CRACD: variants seen among roughly 807,000 people sequenced by gnomAD.
The protein encoded by CRACD is capping protein-inhibiting regulator of actin dynamics.
Under a neutral mutation model 106.8 loss-of-function variants are expected in CRACD, and 56 were observed. That is an observed-to-expected ratio of 0.52 (90% CI 0.42 to 0.66). The LOEUF (loss-of-function observed/expected upper bound fraction) is 0.66, where lower values mean the gene tolerates loss of function less well. Ranked by LOEUF, CRACD falls within the 30% of genes least tolerant of loss-of-function variation. The pLI, the probability that CRACD is intolerant of heterozygous loss-of-function variation, is 0.00. For missense variants in CRACD, 1,730 were observed against 1,623.2 expected (o/e 1.07, Z -1.13); for synonymous variants, 754 against 670.8 (o/e 1.12, Z -1.92).
intron 2 of CRACD, among the ~76,000 whole-genome samples, chr4:56,213,894 A>T (rs1738530301): frequency 6.6e-6 from 1 of 152,238 alleles, no homozygotes; most frequent in Non-Finnish European, 1.5e-5. Flanking sequence ...CTAATTTAAC[A>T]ACTGAATGAC....
rs767386735 is a variant in CRACD at position 56,315,848 on chromosome 4, C to G, written c.2346C>G (p.Pro782=). ...AGAAGTCGGAGATGCACCGGGAGCC[C>G]GCAGACACCACCGAGGGATGCAAAT... ...GPEKSEMHRE[P]ADTTEGCKFA... Residue 782 remains proline, a synonymous_variant, in exon 8 of 11, where the codon CCC becomes CCG. Transcript: ENST00000682029. This position sits in a 1 kb window ranked among gnomAD's most constrained non-coding sequence, Gnocchi z 4.1. 67 of 1,614,038 alleles carry G rather than the reference C, an allele frequency of 4.2e-5. No individual in the cohort carries two copies. The Admixed American group carries it at 1.1e-3, about 26-fold the overall frequency.
intron 2 of CRACD, among the ~76,000 whole-genome samples, chr4:56,180,901 G>A (rs1736794440): frequency 6.6e-6 from 1 of 152,200 alleles, no homozygotes; most frequent in African/African-American, 2.4e-5. Context: ...TTATTAGATG[G>A]TGGGAGTTTG....
intron 1 of CRACD, among the ~76,000 whole-genome samples, chr4:56,152,787 T>G (rs937800105): frequency 1.3e-5 from 2 of 152,142 alleles, no homozygotes; most frequent in African/African-American, 2.4e-5. Flanking sequence ...CCCTTTTTCA[T>G]GTATAATGTC....
At chr4:56,148,271 T>C (rs1226682435) in intron 1 of CRACD, among the ~76,000 whole-genome samples, 1 of 50,694 alleles carries the variant, frequency 2.0e-5, no homozygotes, top group Non-Finnish European at 3.2e-5. Flanking sequence ...GTGCTTTTGT[T>C]GTTTTTTTTT....
rs1267394741 is a variant in CRACD, at chr4:56,328,910, T to C, written c.*1106T>C. On this transcript the variant is annotated 3_prime_UTR_variant, in exon 11 of 11. Transcript: ENST00000682029. ...ATGTTTGAAAATTCCCTTTGGTCTT[T>C]AGGGAAAATAAACAGGAAGCCAAGA... Among the ~76,000 whole-genome samples the C allele has an allele frequency of 6.6e-6, 1 of 152,232 alleles. No homozygotes were observed. Among genetic ancestry groups the C allele is most frequent in the African/African-American group, 2.4e-5 (1 of 41,458 alleles).
intron 2 of CRACD, among the ~76,000 whole-genome samples, chr4:56,232,306 G>A (rs1739670640): frequency 1.3e-5 from 2 of 152,106 alleles, no homozygotes; most frequent in Admixed American, 1.3e-4. Flanking sequence ...ATGTACAAAT[G>A]CTCTAACATT....
At position 56,328,306 on chromosome 4, in the gene CRACD, G is replaced by A. The variant is rs1424006786; in HGVS notation, c.*502G>A. On this transcript the variant is annotated 3_prime_UTR_variant, in exon 11 of 11. Transcript: ENST00000682029. Reference sequence around the variant, plus strand: ...AGCAAGAACACCCATTCTCCTGAATGCAGTGAGTAATTGGGAATCACAAGG... The same window carrying A: ...AGCAAGAACACCCATTCTCCTGAATACAGTGAGTAATTGGGAATCACAAGG... 2.1e-5 allele frequency: 11 copies of A among 518,496 alleles called. No homozygotes were observed. Among genetic ancestry groups the A allele is most frequent in the Non-Finnish European group, 3.1e-5 (8 of 259,730 alleles). 32.1% of individuals were successfully genotyped at this position (518,496 alleles called of 1,614,324 possible). A position where few individuals can be genotyped will look rare whatever the true frequency, so the allele number is the denominator to read the frequency against.
chr4:56,217,955 A>G (rs1560487855), intron 2 of CRACD, among the ~76,000 whole-genome samples: 1 of 152,040 alleles, frequency 6.6e-6, no homozygotes, highest in African/African-American at 2.4e-5. Context: ...GTGAGGGAGA[A>G]TCTTCTTCTT....
chr4:56,291,324 C>T (rs1046806248), intron 3 of CRACD, among the ~76,000 whole-genome samples: 4 of 152,194 alleles, frequency 2.6e-5, no homozygotes, highest in African/African-American at 9.6e-5. Flanking sequence ...TCCGGACGAA[C>T]TCTGCTAAGG....
At chr4:56,079,341 C>T (rs917643540) in intron 1 of CRACD, among the ~76,000 whole-genome samples, 1 of 151,764 alleles carries the variant, frequency 6.6e-6, no homozygotes, top group African/African-American at 2.4e-5. Context: ...TTAATTGCTT[C>T]ATGTTTGAAT....
At chr4:56,257,370 C>G (rs1741425776) in intron 2 of CRACD, among the ~76,000 whole-genome samples, 1 of 151,914 alleles carries the variant, frequency 6.6e-6, no homozygotes, top group Non-Finnish European at 1.5e-5. Context: ...GCGTGAGCCA[C>G]CGTGCCTGGC....
chr4:56,309,071 A>C, intron 5 of CRACD: 1 of 462,010 alleles, frequency 2.2e-6, no homozygotes, highest in Admixed American at 2.4e-5. Flanking sequence ...ATCAAGAAAA[A>C]TGCTGGCTGC....
At chr4:56,208,384 T>G (rs972047472) in intron 2 of CRACD, among the ~76,000 whole-genome samples, 3 of 152,282 alleles carry the variant, frequency 2.0e-5, no homozygotes, top group Non-Finnish European at 2.9e-5. Context: ...GTGAAGGGAT[T>G]CGATTGTTCT....
chr4:56,293,385 C>T (rs1214273996), intron 3 of CRACD, among the ~76,000 whole-genome samples: 1 of 152,192 alleles, frequency 6.6e-6, no homozygotes. Context: ...AAGAAGCTCA[C>T]ACCCTGCTAC....
Position 56,314,564 on chromosome 4 carries a change from C to T in CRACD, c.1062C>T (p.Cys354=), listed in dbSNP as rs1009416844. The part of the protein sequence containing the change: ...RRRQEEEEGR[C]AEELKRQEEE... ...GGCAGGAGGAGGAGGAAGGAAGATG[C>T]GCGGAGGAGCTCAAAAGGCAGGAGG... The change falls in exon 8 of 11, where the codon TGC becomes TGT. Residue 354 remains cysteine (C), a synonymous_variant. Transcript: ENST00000682029. This position sits in a 1 kb window ranked among gnomAD's most constrained non-coding sequence, Gnocchi z 4.4. 4 of 1,510,920 alleles carry T rather than the reference C, an allele frequency of 2.6e-6. No individual in the cohort carries two copies. The South Asian group carries it at 3.9e-5, about 15-fold the overall frequency. The allele number at this position is 1,510,920 out of a possible 1,614,324, so 93.6% of individuals were successfully genotyped here.
At chr4:56,187,028 C>T (rs1737119561) in intron 2 of CRACD, among the ~76,000 whole-genome samples, 1 of 151,422 alleles carries the variant, frequency 6.6e-6, no homozygotes, top group South Asian at 2.1e-4. Flanking sequence ...ATGATCATGC[C>T]ACTGCACTCC....
chr4:56,094,941 T>A (rs1025777290), intron 1 of CRACD, among the ~76,000 whole-genome samples: 1 of 152,244 alleles, frequency 6.6e-6, no homozygotes, highest in African/African-American at 2.4e-5. Context: ...ACTTCAGCTA[T>A]TTCAAGATAT....
intron 2 of CRACD, among the ~76,000 whole-genome samples, chr4:56,213,083 C>CT (rs1337397201): frequency 2.0e-5 from 3 of 152,164 alleles, no homozygotes; most frequent in Admixed American, 1.3e-4. Context: ...TCCTGGAGGT[C>CT]TCTGTAAGCT....
chr4:56,160,400 T>C (rs2109902837), intron 1 of CRACD, among the ~76,000 whole-genome samples: 1 of 152,124 alleles, frequency 6.6e-6, no homozygotes, highest in East Asian at 1.9e-4. Flanking sequence ...CCCAGGCTGG[T>C]CTCAAACTCC....
Sources: allele counts gnomAD v4.1 joint callset (sites outside exome capture counted in the v4.1 genomes callset), GRCh38; gene constraint gnomAD v4.1.1; non-coding constraint Gnocchi (gnomAD v3.1); transcripts MANE v1.5; gene names NCBI Gene and HGNC (gene_info 2026-07-23, HGNC 2026-07-21).